The following BRAF variants were observed in gnomAD, a reference collection of about 807,000 sequenced individuals.
BRAF encodes serine/threonine-protein kinase B-raf.
A neutral mutation model predicts 104.6 loss-of-function variants in BRAF; 16 were observed. The observed-to-expected ratio is 0.15, with a 90% confidence interval of 0.10 to 0.23. The LOEUF (loss-of-function observed/expected upper bound fraction) is 0.23. Among genes scored for constraint, BRAF ranks in the 10% least tolerant of loss-of-function variants. BRAF has a pLI of 1.00. For missense variants in BRAF, 541 were observed against 937.3 expected (o/e 0.58, Z 5.52); for synonymous variants, 310 against 341.6 (o/e 0.91, Z 1.02).
chr7:140,734,793 AAAAGAAAAAAAAAGAAAAAAG>A, intron 18 of BRAF, 23 bp from the exon 18 acceptor site: 1 of 1,200,296 alleles, frequency 8.3e-7, no homozygotes, highest in Non-Finnish European at 1.1e-6. Flanking sequence ...AAAGAAAAAA[AAAAGAAAAAAAAAGAAAAAAG>A]AAAAAAAAAG....
chr7:140,775,623 G>A (rs1378680868), intron 14 of BRAF, among the ~76,000 whole-genome samples: 1 of 152,166 alleles, frequency 6.6e-6, no homozygotes, highest in Non-Finnish European at 1.5e-5. Flanking sequence ...ACAAGTGTGA[G>A]CCACTGTGCC....
At chr7:140,845,886 A>G (rs186089664) in intron 2 of BRAF, among the ~76,000 whole-genome samples, 1 of 152,230 alleles carries the variant, frequency 6.6e-6, no homozygotes, top group African/African-American at 2.4e-5. Flanking sequence ...TCATCATGTT[A>G]GTCAGGCTGG....
rs563382605 is a variant in BRAF, at chr7:140,754,249, T to A, written c.1815-16A>T. The stretch of plus-strand genomic sequence containing the variant: ...GTGTAAGTAACTGAAAAACAAAACA[T>A]CATTTTAACCTGAGTAGGGCTAAAG... On this transcript the variant is annotated splice_polypyrimidine_tract_variant and intron_variant, in intron 14 of 19. Coordinates refer to ENST00000644969, the MANE Select transcript of BRAF (RefSeq NM_001374258.1). 8 of 1,612,790 alleles carry A rather than the reference T, an allele frequency of 5.0e-6. No individual in the cohort carries two copies. Among genetic ancestry groups the A allele is most frequent in the Middle Eastern group, 1.7e-4 (1 of 6,058 alleles).
intron 1 of BRAF, among the ~76,000 whole-genome samples, chr7:140,903,872 T>G (rs1360427719): frequency 1.3e-5 from 2 of 152,242 alleles, no homozygotes; most frequent in African/African-American, 4.8e-5. Flanking sequence ...GCAGAAGAAC[T>G]ACATTTAGGA....
chr7:140,918,115 C>T (rs1256188812), intron 1 of BRAF, among the ~76,000 whole-genome samples: 3 of 152,196 alleles, frequency 2.0e-5, no homozygotes, highest in Non-Finnish European at 4.4e-5. Flanking sequence ...CTCTTCCATA[C>T]ATAGTAGCTC....
chr7:140,920,482 T>C (rs1248223378), intron 1 of BRAF, among the ~76,000 whole-genome samples: 2 of 152,304 alleles, frequency 1.3e-5, no homozygotes, highest in East Asian at 3.9e-4. Context: ...CCACCTCCTA[T>C]TCATTCTAAT....
intron 14 of BRAF, among the ~76,000 whole-genome samples, chr7:140,775,073 G>A (rs1382782144): frequency 3.3e-5 from 5 of 152,160 alleles, no homozygotes; most frequent in Non-Finnish European, 4.4e-5. Context: ...AAGCCTATGG[G>A]TATAGAGAGT....
chr7:140,843,215 G>A (rs962762735), intron 2 of BRAF, among the ~76,000 whole-genome samples: 13 of 152,198 alleles, frequency 8.5e-5, no homozygotes, highest in Non-Finnish European at 1.9e-4. Flanking sequence ...AAGAGTTATA[G>A]AGGATTTTTG....
At chr7:140,716,703 C>T (rs899749806), downstream of BRAF, among the ~76,000 whole-genome samples, 6 of 152,196 alleles carry the variant, frequency 3.9e-5, no homozygotes, top group African/African-American at 1.4e-4. Flanking sequence ...TTTTAGCACA[C>T]ACGTTTGTAA....
chr7:140,867,698 A>C (rs772986867), intron 1 of BRAF, among the ~76,000 whole-genome samples: 5 of 152,230 alleles, frequency 3.3e-5, no homozygotes, highest in Non-Finnish European at 7.3e-5. Flanking sequence ...AAACAAGTTC[A>C]GCATGCAGGT....
chr7:140,791,161 T>G (rs1446749339), intron 8 of BRAF, among the ~76,000 whole-genome samples: 1 of 152,034 alleles, frequency 6.6e-6, no homozygotes, highest in Non-Finnish European at 1.5e-5. Context: ...CCCTCAACCC[T>G]GAATCAAGCT....
rs1169082223 is a variant in BRAF, at chr7:140,833,220, T to C, written c.504+1389A>G. Among the ~76,000 whole-genome samples, 5 of 152,078 alleles carry C rather than the reference T, an allele frequency of 3.3e-5. No individual in the cohort carries two copies. In the South Asian group the frequency reaches 6.2e-4, roughly 19 times the overall value. On this transcript the variant is annotated intron_variant, in intron 3 of 19. Coordinates refer to ENST00000644969, the MANE Select transcript of BRAF (RefSeq NM_001374258.1). ...AAACTTAATCATTAGGTTGAGAAAT[T>C]TGAAAGGCTCCAACAACCCCAATTT...
At chr7:140,873,406 G>A (rs753713548) in intron 1 of BRAF, among the ~76,000 whole-genome samples, 3 of 152,104 alleles carry the variant, frequency 2.0e-5, no homozygotes, top group Non-Finnish European at 4.4e-5. Flanking sequence ...CAGACCTCAG[G>A]TGATCCATCT....
intron 2 of BRAF, chr7:140,835,617 A>C (rs900275207): frequency 6.6e-6 from 1 of 152,238 alleles, no homozygotes; most frequent in Non-Finnish European, 1.5e-5. Flanking sequence ...TGTGGCTTAT[A>C]CCCTACAGCC....
intron 3 of BRAF, among the ~76,000 whole-genome samples, chr7:140,820,389 T>C (rs1157150352): frequency 1.3e-5 from 2 of 152,190 alleles, no homozygotes; most frequent in Non-Finnish European, 2.9e-5. Context: ...TGTTTCAGGA[T>C]ATATGTACTT....
At chr7:140,846,914 G>C (rs1808616250) in intron 2 of BRAF, among the ~76,000 whole-genome samples, 1 of 152,084 alleles carries the variant, frequency 6.6e-6, no homozygotes, top group South Asian at 2.1e-4. Flanking sequence ...CTAGCACTTA[G>C]GGAGGCCGAG....
chr7:140,854,584 TAATC>T (rs1809557010), intron 1 of BRAF, among the ~76,000 whole-genome samples: 1 of 151,672 alleles, frequency 6.6e-6, no homozygotes, highest in African/African-American at 2.4e-5. Context: ...TGGGGGAAAA[TAATC>T]AGAGATGAGA....
chr7:140,719,016 C>A (rs1795202045), downstream of BRAF, among the ~76,000 whole-genome samples: 1 of 152,190 alleles, frequency 6.6e-6, no homozygotes, highest in Admixed American at 6.5e-5. Context: ...AGAGCACATA[C>A]TCCAACTGAA....
chr7:140,779,648 C>A (rs1033410963), intron 12 of BRAF, among the ~76,000 whole-genome samples: 4 of 152,086 alleles, frequency 2.6e-5, no homozygotes, highest in African/African-American at 9.7e-5. Context: ...AGATACCCAA[C>A]CTGGCCAGGT....
Sources: allele counts gnomAD v4.1 joint callset (sites outside exome capture counted in the v4.1 genomes callset), GRCh38; gene constraint gnomAD v4.1.1; transcripts MANE v1.5; gene names NCBI Gene and HGNC (gene_info 2026-07-23, HGNC 2026-07-21).